ZMYND8: variants seen among roughly 807,000 people sequenced by gnomAD.
ZMYND8 encodes the protein MYND-type zinc finger-containing chromatin reader ZMYND8.
ZMYND8 carries 37 observed loss-of-function variants against 140.8 expected under a neutral mutation model. The ratio of observed to expected loss-of-function variants is 0.26; its 90% confidence interval spans 0.20 to 0.35. ZMYND8 has a LOEUF of 0.35. Among genes scored for constraint, ZMYND8 ranks in the 10% least tolerant of loss-of-function variants. The pLI is 1.00. For missense variants in ZMYND8, 1,068 were observed against 1,570.0 expected (o/e 0.68, Z 5.40); for synonymous variants, 592 against 597.1 (o/e 0.99, Z 0.12).
intron 3 of ZMYND8, among the ~76,000 whole-genome samples, chr20:47,299,353 G>A (rs2077845680): frequency 6.6e-6 from 1 of 152,084 alleles, no homozygotes; most frequent in Non-Finnish European, 1.5e-5. Context: ...ACACTTCATG[G>A]TACTGTGTTG....
In ZMYND8 at chr20:47,209,335, A is replaced by G. The variant is rs2146708614; in HGVS notation, c.*1426T>C. On this transcript the variant is annotated 3_prime_UTR_variant, in exon 23 of 23. Coordinates refer to ENST00000471951, the MANE Select transcript of ZMYND8 (RefSeq NM_001281775.3). ...GTGTGAGTCTACTGGCTCAGTCACAAAGAAACACCACCATCAAAAAGATAT... is the reference window on the plus strand; with the variant it reads ...GTGTGAGTCTACTGGCTCAGTCACAGAGAAACACCACCATCAAAAAGATAT... 1 of 152,388 alleles carries G rather than the reference A, an allele frequency of 6.6e-6. No individual in the cohort carries two copies. Among genetic ancestry groups the G allele is most frequent in the Non-Finnish European group, 1.5e-5 (1 of 68,040 alleles). The allele number at this position is 152,388 out of a possible 1,614,324, so 9.4% of individuals were successfully genotyped here. A position where few individuals can be genotyped will look rare whatever the true frequency, so the allele number is the denominator to read the frequency against.
At chr20:47,279,919 T>G (rs1301374115) in intron 10 of ZMYND8, among the ~76,000 whole-genome samples, 2 of 152,074 alleles carry the variant, frequency 1.3e-5, no homozygotes, top group African/African-American at 2.4e-5. Flanking sequence ...ATCCAGGAGT[T>G]CAAGACCAGC....
Position 47,280,016 on chromosome 20 carries a change from T to C in ZMYND8, c.998+2086A>G, listed in dbSNP as rs1212062819. On this transcript the variant is annotated intron_variant, in intron 10 of 22. Transcript: ENST00000471951. ...GCACATGCCTGTAGACCCAGCTACTTGGGAGGCTGAGGCAGGAGAATGGCT... is the reference window on the plus strand; with the variant it reads ...GCACATGCCTGTAGACCCAGCTACTCGGGAGGCTGAGGCAGGAGAATGGCT... 3.3e-5 allele frequency among the ~76,000 whole-genome samples: 5 copies of C among 149,498 alleles called. No homozygotes were observed. The South Asian group carries it at 8.4e-4, about 25-fold the overall frequency.
rs1326958021 is a variant in ZMYND8, at chr20:47,236,601, T to C, written c.2666-85A>G. ...TGTGGTGTAGAAGCAAAGCCCCTAA[T>C]AGACATCCTGAGAGCTTTTCTACTT... is the stretch of plus-strand genomic sequence containing the variant. On this transcript the variant is annotated intron_variant, in intron 15 of 22. Coordinates refer to ENST00000471951, the MANE Select transcript of ZMYND8 (RefSeq NM_001281775.3). 5.2e-6 allele frequency: 7 copies of C among 1,335,826 alleles called. No homozygotes were observed. The East Asian group carries it at 1.3e-4, about 26-fold the overall frequency. The allele number at this position is 1,335,826 out of a possible 1,614,324, so 82.7% of individuals were successfully genotyped here. A position where few individuals can be genotyped will look rare whatever the true frequency, so the allele number is the denominator to read the frequency against.
At chr20:47,295,198 G>A (rs540656705) in intron 4 of ZMYND8, among the ~76,000 whole-genome samples, 1 of 152,272 alleles carries the variant, frequency 6.6e-6, no homozygotes, top group African/African-American at 2.4e-5. Flanking sequence ...TTGGAGACCA[G>A]CCTGGCAACA....
intron 13 of ZMYND8, 32 bp downstream of exon 13, chr20:47,249,255 G>A: frequency 1.2e-6 from 2 of 1,604,414 alleles, no homozygotes; most frequent in Non-Finnish European, 1.7e-6. Context: ...CAATGATACT[G>A]CTGGAAAAAA....
intron 21 of ZMYND8, among the ~76,000 whole-genome samples, chr20:47,213,456 G>T (rs1213944453): frequency 6.6e-6 from 1 of 152,230 alleles, no homozygotes; most frequent in African/African-American, 2.4e-5. Context: ...TGCCATGAAT[G>T]ATATGGTCAT....
At chr20:47,327,718 C>G (rs1286911683) in intron 2 of ZMYND8, among the ~76,000 whole-genome samples, 3 of 152,166 alleles carry the variant, frequency 2.0e-5, no homozygotes, top group Admixed American at 2.0e-4. Context: ...TGGAACAATC[C>G]TCCCGCCTGC....
intron 20 of ZMYND8, 32 bp downstream of exon 20, chr20:47,221,282 G>A (rs41452844): frequency 6.2e-7 from 1 of 1,611,796 alleles, no homozygotes. Flanking sequence ...AAGGGTAGAT[G>A]TCACTAGCCA....
At chr20:47,299,020 C>A in intron 3 of ZMYND8, 73 bp from the exon 4 acceptor site, 2 of 1,390,292 alleles carry the variant, frequency 1.4e-6, no homozygotes, top group Non-Finnish European at 1.0e-6. Context: ...TGAACAAGTA[C>A]ATCAATAACA....
intron 2 of ZMYND8, among the ~76,000 whole-genome samples, chr20:47,344,226 C>A (rs977645629): frequency 2.6e-5 from 4 of 152,146 alleles, no homozygotes; most frequent in Admixed American, 2.0e-4. Context: ...GATCCCCCCA[C>A]CTTGGCCTCC....
chr20:47,217,834 G>T (rs2146868709), intron 21 of ZMYND8, among the ~76,000 whole-genome samples: 1 of 152,162 alleles, frequency 6.6e-6, no homozygotes, highest in South Asian at 2.1e-4. Context: ...GCATTTATCT[G>T]CCTTATTCAG....
intron 3 of ZMYND8, among the ~76,000 whole-genome samples, chr20:47,305,135 T>C (rs1012846460): frequency 6.6e-6 from 1 of 151,880 alleles, no homozygotes; most frequent in Non-Finnish European, 1.5e-5. Flanking sequence ...ACCCAGCTAC[T>C]TGGGAGGCTG....
chr20:47,262,495 G>A (rs2075227756), intron 11 of ZMYND8, 67 bp from the exon 12 acceptor site: 4 of 1,589,380 alleles, frequency 2.5e-6, no homozygotes, highest in African/African-American at 1.4e-5. Flanking sequence ...TAGGTGTGGT[G>A]TAGGGAGAGA....
At chr20:47,276,167 T>A (rs775258481) in intron 11 of ZMYND8, 147 bp downstream of exon 11, 95 of 1,167,214 alleles carry the variant, frequency 8.1e-5, no homozygotes, top group Non-Finnish European at 1.0e-4. Flanking sequence ...AGAACTCCAC[T>A]GGTGACTTCT....
intron 10 of ZMYND8, among the ~76,000 whole-genome samples, chr20:47,281,018 T>A (rs2076574062): frequency 6.6e-6 from 1 of 152,188 alleles, no homozygotes. Flanking sequence ...TCTTCCCCGC[T>A]AGGATGTCAG....
chr20:47,306,237 TA>T (rs917442616), intron 3 of ZMYND8, among the ~76,000 whole-genome samples: 1 of 151,108 alleles, frequency 6.6e-6, no homozygotes, highest in Admixed American at 6.6e-5. Flanking sequence ...TATAACAAAA[TA>T]AAAAAAACTA....
At chr20:47,296,633 C>G (rs761670181) in intron 4 of ZMYND8, among the ~76,000 whole-genome samples, 4 of 152,180 alleles carry the variant, frequency 2.6e-5, no homozygotes, top group Non-Finnish European at 5.9e-5. Flanking sequence ...CAGCCCCCTT[C>G]TATCAGGAAC....
chr20:47,221,369 G>A lies in ZMYND8; in HGVS notation c.3362C>T (p.Ala1121Val). 5 of 1,614,170 alleles carry A rather than the reference G, an allele frequency of 3.1e-6. No individual in the cohort carries two copies. The highest frequency in any genetic ancestry group is 4.2e-6 in the Non-Finnish European group (5 of 1,180,026). ...SSTQSAPSET[A>V]SASKEKETSA... ...CGTCTCCTTCTCTTTGGAGGCGCTGGCCGTTTCTGAAGGTGCTGATTGTGT... is the reference window on the plus strand; with the variant it reads ...CGTCTCCTTCTCTTTGGAGGCGCTGACCGTTTCTGAAGGTGCTGATTGTGT... The change falls in exon 20 of 23, where the codon GCC becomes GTC. Residue 1121 changes from alanine to valine, a missense_variant. Ala to Val is a moderately conservative substitution (Grantham distance 64, BLOSUM62 0). This residue lies in a region of ZMYND8 where 180 missense variants were observed against 187.8 expected (regional missense o/e 0.96). Coordinates refer to ENST00000471951, the MANE Select transcript of ZMYND8 (RefSeq NM_001281775.3).
Sources: allele counts gnomAD v4.1 joint callset (sites outside exome capture counted in the v4.1 genomes callset), GRCh38; gene constraint gnomAD v4.1.1; regional missense constraint gnomAD v4.1.1; transcripts MANE v1.5; gene names NCBI Gene and HGNC (gene_info 2026-07-23, HGNC 2026-07-21).